Variants in VPS13A observed in about 807,000 individuals in gnomAD.
VPS13A encodes vacuolar protein sorting 13 homolog A.
A neutral mutation model predicts 390.9 loss-of-function variants in VPS13A; 264 were observed. The ratio of observed to expected loss-of-function variants is 0.68; its 90% CI spans 0.61 to 0.75. The LOEUF (loss-of-function observed/expected upper bound fraction) is 0.75, where lower values mean the gene tolerates loss of function less well. Among genes scored for constraint, VPS13A ranks in the 30% least tolerant of loss-of-function variants. The pLI, the probability that VPS13A is intolerant of heterozygous loss-of-function variation, is 0.00. For synonymous variants in VPS13A, 1,231 were observed against 1,227.1 expected (o/e 1.00, Z -0.07); for missense variants, 3,409 against 3,733.9 (o/e 0.91, Z 2.27).
chr9:77,336,551 G>T (rs1012683525), intron 46 of VPS13A, among the ~76,000 whole-genome samples: 4 of 151,958 alleles, frequency 2.6e-5, no homozygotes, highest in African/African-American at 9.7e-5. Context: ...TATGAATTCA[G>T]TCATGGCATT....
intron 59 of VPS13A, among the ~76,000 whole-genome samples, chr9:77,361,371 A>C (rs11145402): frequency 0.56 from 84,468 of 151,880 alleles, 23,681 homozygotes; most frequent in East Asian, 0.69. Flanking sequence ...TTTGACTTAG[A>C]ATAATGCTTT....
At chr9:77,259,870 G>C (rs1473608660) in intron 22 of VPS13A, among the ~76,000 whole-genome samples, 1 of 152,082 alleles carries the variant, frequency 6.6e-6, no homozygotes, top group Non-Finnish European at 1.5e-5. Context: ...AACAGTAGAA[G>C]GACATTACAT....
At chr9:77,282,900 G>A (rs1369892375) in intron 29 of VPS13A, among the ~76,000 whole-genome samples, 3 of 151,636 alleles carry the variant, frequency 2.0e-5, no homozygotes, top group Non-Finnish European at 4.4e-5. Context: ...AGCGATCTTT[G>A]AGCTACAATT....
At chr9:77,279,592 G>C (rs1826896773) in intron 26 of VPS13A, among the ~76,000 whole-genome samples, 1 of 152,100 alleles carries the variant, frequency 6.6e-6, no homozygotes, top group Admixed American at 6.5e-5. Context: ...TTTTAGGCTT[G>C]AGGGTGGGGC....
chr9:77,336,166 A>T (rs1028708059), intron 46 of VPS13A, among the ~76,000 whole-genome samples: 6 of 152,122 alleles, frequency 3.9e-5, no homozygotes, highest in Admixed American at 3.9e-4. Flanking sequence ...GAACACATGG[A>T]CACAGGGAGG....
chr9:77,281,116 A>G, intron 27 of VPS13A, among the ~76,000 whole-genome samples: 1 of 151,980 alleles, frequency 6.6e-6, no homozygotes, highest in East Asian at 1.9e-4. Context: ...AGTGATGGTT[A>G]CCAGAGGGTA....
intron 23 of VPS13A, among the ~76,000 whole-genome samples, chr9:77,265,915 C>T (rs146645607): frequency 3.8e-4 from 58 of 152,152 alleles, no homozygotes; most frequent in African/African-American, 1.2e-3. Flanking sequence ...AGATCTTTCC[C>T]GCTTTCTCCT....
At chr9:77,201,275 G>T (rs1005179599) in intron 2 of VPS13A, 90 bp from the exon 3 acceptor site, 16 of 879,230 alleles carry the variant, frequency 1.8e-5, no homozygotes, top group Non-Finnish European at 2.9e-5. Context: ...AAAATCCCTT[G>T]AAATAATTTT....
At chr9:77,381,124 C>T (rs116185141) in intron 67 of VPS13A, among the ~76,000 whole-genome samples, 25 of 152,146 alleles carry the variant, frequency 1.6e-4, no homozygotes, top group Admixed American at 5.2e-4. Context: ...ACAATTTAGC[C>T]GTATGTGGTA....
chr9:77,394,231 AT>A (rs36047906), intron 68 of VPS13A, among the ~76,000 whole-genome samples: 91 of 140,482 alleles, frequency 6.5e-4, no homozygotes, highest in African/African-American at 1.0e-3. Flanking sequence ...CATCTGGCTA[AT>A]TTTTTTTTTT....
At chr9:77,274,994 A>G (rs1416718201) in intron 24 of VPS13A, among the ~76,000 whole-genome samples, 1 of 152,194 alleles carries the variant, frequency 6.6e-6, no homozygotes, top group Non-Finnish European at 1.5e-5. Context: ...GTATATGTAC[A>G]TATACCTATA....
At chr9:77,230,466 C>CTA (rs1823765059) in intron 17 of VPS13A, among the ~76,000 whole-genome samples, 1 of 151,988 alleles carries the variant, frequency 6.6e-6, no homozygotes, top group Non-Finnish European at 1.5e-5. Flanking sequence ...GTTGTCCTAG[C>CTA]ACCATTTGTT....
Position 77,220,543 on chromosome 9 carries a change from T to C in VPS13A, c.989+160T>C, listed in dbSNP as rs111815723. Among the ~76,000 whole-genome samples the C allele has an allele frequency of 1.8e-3, 279 of 152,250 alleles. 1 individual carries two copies. Among genetic ancestry groups the C allele is most frequent in the African/African-American group, 6.3e-3 (262 of 41,564 alleles). On this transcript the variant is annotated intron_variant, in intron 12 of 71. Transcript: ENST00000360280. ...AAATATATGTAGCTGCTTTAGCTTA[T>C]TGAGTTAATGAAACTGATTTAAGGG... is the stretch of plus-strand genomic sequence containing the variant.
At chr9:77,363,366 C>G (rs1048669264) in intron 59 of VPS13A, among the ~76,000 whole-genome samples, 1 of 130,664 alleles carries the variant, frequency 7.7e-6, no homozygotes, top group African/African-American at 2.7e-5. Flanking sequence ...GGGTTTTGTT[C>G]TACTGATATG....
chr9:77,339,504 T>TTA lies in VPS13A; in HGVS notation c.6379-11_6379-10insAT. On this transcript the variant is annotated splice_polypyrimidine_tract_variant and intron_variant, in intron 47 of 71. Transcript: ENST00000360280. ...TTTAAATTTTGTTTTGTTTTTTTTT[T>TTA]TTTTATTACAGGGAATTGAAAATTC... is the stretch of plus-strand genomic sequence containing the variant. 1 of 1,527,600 alleles carries TTA rather than the reference T, an allele frequency of 6.5e-7. No homozygotes were observed. The highest frequency in any genetic ancestry group is 8.8e-7 in the Non-Finnish European group (1 of 1,138,380). 94.6% of individuals were successfully genotyped at this position (1,527,600 alleles called of 1,614,324 possible). A position where few individuals can be genotyped will look rare whatever the true frequency, so the allele number is the denominator to read the frequency against.
chr9:77,340,109 T>C (rs1830734004), intron 48 of VPS13A, 69 bp from the exon 49 acceptor site: 2 of 1,461,256 alleles, frequency 1.4e-6, no homozygotes, highest in Non-Finnish European at 1.9e-6. Context: ...TAAAAAGTAA[T>C]TTATCAGTTT....
chr9:77,282,956 GA>G (rs199814594), intron 29 of VPS13A, among the ~76,000 whole-genome samples: 11 of 136,688 alleles, frequency 8.0e-5, no homozygotes, highest in South Asian at 6.9e-4. Flanking sequence ...ACTCTGTTTC[GA>G]AAAAAAAAAA....
rs562617892 is a variant in VPS13A at position 77,390,897 on chromosome 9, CT to C, written c.9189+8813del. On this transcript the variant is annotated intron_variant, in intron 68 of 71. Transcript: ENST00000360280. ...AATGAGACTAATTTGATTTCTAGAT[CT>C]TTCAGTTTGTCATCATTGCATCCCT... Among the ~76,000 whole-genome samples, 30 of 152,136 alleles carry C rather than the reference CT, an allele frequency of 2.0e-4. No homozygotes were observed. The East Asian group carries it at 5.4e-3, about 27-fold the overall frequency.
At chr9:77,218,615 A>G (rs1488749699) in intron 10 of VPS13A, among the ~76,000 whole-genome samples, 1 of 151,300 alleles carries the variant, frequency 6.6e-6, no homozygotes, top group Non-Finnish European at 1.5e-5. Flanking sequence ...CTAGGGTTCA[A>G]TAAGGTTCTC....
Sources: allele counts gnomAD v4.1 joint callset (sites outside exome capture counted in the v4.1 genomes callset), GRCh38; gene constraint gnomAD v4.1.1; transcripts MANE v1.5; gene names NCBI Gene and HGNC (gene_info 2026-07-23, HGNC 2026-07-21).